ATP2C1: variants seen among roughly 807,000 people sequenced by gnomAD.
The protein encoded by ATP2C1 is ATPase secretory pathway Ca2+ transporting 1.
A neutral mutation model predicts 120.5 loss-of-function variants in ATP2C1; 31 were observed. The ratio of observed to expected loss-of-function variants is 0.26; its 90% CI spans 0.19 to 0.35. ATP2C1 has a LOEUF of 0.35. Ranked by LOEUF, ATP2C1 falls within the 10% of genes least tolerant of loss-of-function variation. The probability of loss-of-function intolerance (pLI) is 1.00; values close to 1 mark genes in which losing one functional copy is unlikely to be tolerated. For synonymous variants in ATP2C1, 351 were observed against 358.7 expected (o/e 0.98, Z 0.24); for missense variants, 731 against 1,107.5 (o/e 0.66, Z 4.83).
intron 4 of ATP2C1, 23 bp from the exon 5 acceptor site, chr3:130,934,599 T>C (rs893248094): frequency 1.1e-5 from 16 of 1,497,768 alleles, no homozygotes; most frequent in Non-Finnish European, 1.5e-5. Context: ...CTGTGTTGAA[T>C]TGCTGTTTGT....
At chr3:130,965,159 T>C in intron 14 of ATP2C1, 114 bp downstream of exon 14, 1 of 727,648 alleles carries the variant, frequency 1.4e-6, no homozygotes, top group Non-Finnish European at 2.4e-6. Flanking sequence ...AAATTAGTAG[T>C]GGAGTTATTT....
chr3:130,922,528 A>T (rs138898223), intron 2 of ATP2C1, among the ~76,000 whole-genome samples: 3 of 151,828 alleles, frequency 2.0e-5, no homozygotes, highest in Non-Finnish European at 2.9e-5. Context: ...CTTGTTCTCT[A>T]GTTCCTTGAG....
intron 7 of ATP2C1, among the ~76,000 whole-genome samples, chr3:130,940,893 T>G (rs1219569795): frequency 1.3e-5 from 2 of 150,302 alleles, no homozygotes; most frequent in African/African-American, 4.9e-5. Context: ...GAGACATGGA[T>G]GTATTTAACA....
chr3:130,930,339 T>C (rs759359560), intron 2 of ATP2C1, 77 bp from the exon 3 acceptor site: 6 of 952,474 alleles, frequency 6.3e-6, no homozygotes, highest in African/African-American at 1.6e-5. Context: ...CTGTGAACTT[T>C]TGGATTTTTA....
intron 6 of ATP2C1, among the ~76,000 whole-genome samples, chr3:130,938,475 A>C (rs1057500351): frequency 6.6e-6 from 1 of 152,204 alleles, no homozygotes; most frequent in African/African-American, 2.4e-5. Flanking sequence ...TCTTGTCACT[A>C]TCCCAGCCTC....
chr3:130,976,972 C>T (rs1269709083), intron 18 of ATP2C1, among the ~76,000 whole-genome samples: 3 of 152,212 alleles, frequency 2.0e-5, no homozygotes, highest in African/African-American at 7.2e-5. Context: ...TTTGGAAGCT[C>T]AGATACTCTG....
intron 10 of ATP2C1, 67 bp from the exon 11 acceptor site, chr3:130,956,037 C>G (rs147112088): frequency 1.9e-6 from 2 of 1,071,312 alleles, no homozygotes; most frequent in South Asian, 2.5e-5. Context: ...CTTAGCAAGC[C>G]CCTGGCACTT....
chr3:130,941,936 G>A (rs142290801), intron 8 of ATP2C1, among the ~76,000 whole-genome samples: 4 of 152,204 alleles, frequency 2.6e-5, no homozygotes, highest in African/African-American at 7.2e-5. Context: ...GCATATTAGG[G>A]ACTGTGGGAG....
At chr3:130,959,366 G>A (rs1383828297) in intron 12 of ATP2C1, 25 bp downstream of exon 12, 5 of 1,531,394 alleles carry the variant, frequency 3.3e-6, no homozygotes, top group Non-Finnish European at 4.5e-6. Context: ...TTTATAATTG[G>A]AGTCTCTTTT....
Position 130,922,626 on chromosome 3 carries a change from C to T in ATP2C1, c.7-7790C>T, listed in dbSNP as rs1194253002. Among the ~76,000 whole-genome samples, 2 of 152,140 alleles carry T rather than the reference C, an allele frequency of 1.3e-5. 1 individual carries two copies. The highest frequency in any genetic ancestry group is 1.3e-4 in the Admixed American group (2 of 15,274). ...CTTTCCTCTTAGCACTGCTTTTGCT[C>T]TGTCTCAGAGGTTTTGATAAGTTGT... On this transcript the variant is annotated intron_variant, in intron 2 of 27. Coordinates refer to ENST00000510168, the MANE Select transcript of ATP2C1 (RefSeq NM_001378687.1).
chr3:130,965,135 T>C (rs1299624420), intron 14 of ATP2C1, 90 bp downstream of exon 14: 4 of 859,008 alleles, frequency 4.7e-6, no homozygotes, highest in Non-Finnish European at 7.8e-6. Flanking sequence ...GTGTCTTACC[T>C]TCAAAAGGGC....
chr3:130,997,377 A>C (rs1213654479), intron 24 of ATP2C1, among the ~76,000 whole-genome samples: 1 of 152,146 alleles, frequency 6.6e-6, no homozygotes, highest in African/African-American at 2.4e-5. Context: ...GTTTTTTGAA[A>C]GTTGATTATC....
rs1346360299 is a variant in ATP2C1, at chr3:130,980,639, A to T, written c.1799A>T (p.Asp600Val). Residue 600 changes from aspartate (D) to valine (V), a missense_variant, in exon 20 of 28, where the codon GAT (aspartate) becomes GTT (valine). Asp to Val is a radical substitution (Grantham distance 152). Coordinates refer to ENST00000510168, the MANE Select transcript of ATP2C1 (RefSeq NM_001378687.1). ...CAGTCAGTCTCAGGAGAAGAAATAG[A>T]TGCAATGGATGTTCAGCAGCTTTCA... is the stretch of plus-strand genomic sequence containing the variant. The part of the protein sequence containing the change: ...TSQSVSGEEI[D>V]AMDVQQLSQI... 1.2e-6 allele frequency: 2 copies of T among 1,613,272 alleles called. No homozygotes were observed. Among genetic ancestry groups the T allele is most frequent in the East Asian group, 2.2e-5 (1 of 44,828 alleles).
rs146025336 is a variant in ATP2C1, at chr3:130,959,193, G to A, written c.833-82G>A. On this transcript the variant is annotated intron_variant, in intron 11 of 27. Coordinates refer to ENST00000510168, the MANE Select transcript of ATP2C1 (RefSeq NM_001378687.1). Reference sequence around the variant, plus strand: ...TGCTTTCCCTTTTTTGTCAAGGGACGTTTTAGATTCCTTCAGCTTGTTCTG... The same window carrying A: ...TGCTTTCCCTTTTTTGTCAAGGGACATTTTAGATTCCTTCAGCTTGTTCTG... 215 of 1,050,032 alleles carry A rather than the reference G, an allele frequency of 2.0e-4. 1 individual carries two copies. The African/African-American group carries it at 2.3e-3, about 11-fold the overall frequency. 65.0% of individuals were successfully genotyped at this position (1,050,032 alleles called of 1,614,324 possible). A position where few individuals can be genotyped will look rare whatever the true frequency, so the allele number is the denominator to read the frequency against.
In ATP2C1 at chr3:130,894,463, G is replaced by C. The variant is rs1018748635; in HGVS notation, c.-181+126G>C. ...GCGCCGCCCCGCTGGCGTGAGCTGG[G>C]GACGTTGCGGGCACACGACGGGGCG... On this transcript the variant is annotated intron_variant, in intron 1 of 27. Coordinates refer to ENST00000510168, the MANE Select transcript of ATP2C1 (RefSeq NM_001378687.1). The surrounding 1 kb of genome is among the most constrained non-coding windows in gnomAD (Gnocchi z 4.5). The C allele has an allele frequency of 1.5e-6, 2 of 1,350,170 alleles. No homozygotes were observed. Among genetic ancestry groups the C allele is most frequent in the African/African-American group, 3.0e-5 (2 of 67,784 alleles). The allele number at this position is 1,350,170 out of a possible 1,614,324, so 83.6% of individuals were successfully genotyped here.
chr3:130,875,733 A>G (rs1002669869), intron 1 of ATP2C1, among the ~76,000 whole-genome samples: 1 of 152,178 alleles, frequency 6.6e-6, no homozygotes, highest in Non-Finnish European at 1.5e-5. Flanking sequence ...ATTTACAATC[A>G]CACTAATACT....
In ATP2C1 at chr3:130,854,990, A is replaced by G. The variant is rs987155991; in HGVS notation, c.108+4062A>G. On this transcript the variant is annotated intron_variant, in intron 1 of 26. Transcript: ENST00000504381. Reference sequence around the variant, plus strand: ...CCTCCCCAGGTTTTTCCATCAATCAACACAAAAGCTCAAACCAGAAACCTG... The same window carrying G: ...CCTCCCCAGGTTTTTCCATCAATCAGCACAAAAGCTCAAACCAGAAACCTG... Among the ~76,000 whole-genome samples, 26 of 152,100 alleles carry G rather than the reference A, an allele frequency of 1.7e-4. 1 individual carries two copies. Among genetic ancestry groups the G allele is most frequent in the Admixed American group, 1.6e-3 (25 of 15,266 alleles).
Position 130,875,378 on chromosome 3 carries a change from T to C in ATP2C1, c.108+24450T>C, listed in dbSNP as rs142473744. Among the ~76,000 whole-genome samples, 193 of 152,314 alleles carry C rather than the reference T, an allele frequency of 1.3e-3. 1 individual carries two copies. The highest frequency in any genetic ancestry group is 4.3e-3 in the African/African-American group (179 of 41,580). ...CATGTATGGGTGTGAACATGTGTTATTTATCTTTTTGTGCCTTATTTATTT... is the reference window on the plus strand; with the variant it reads ...CATGTATGGGTGTGAACATGTGTTACTTATCTTTTTGTGCCTTATTTATTT... On this transcript the variant is annotated intron_variant, in intron 1 of 26. Transcript: ENST00000504381.
chr3:130,884,488 G>A (rs918096469), intron 1 of ATP2C1, among the ~76,000 whole-genome samples: 1 of 152,146 alleles, frequency 6.6e-6, no homozygotes, highest in African/African-American at 2.4e-5. Flanking sequence ...GCAGCCATTG[G>A]ATGAAATGTT....
Sources: allele counts gnomAD v4.1 joint callset (sites outside exome capture counted in the v4.1 genomes callset), GRCh38; gene constraint gnomAD v4.1.1; non-coding constraint Gnocchi (gnomAD v3.1); transcripts MANE v1.5; gene names NCBI Gene and HGNC (gene_info 2026-07-23, HGNC 2026-07-21).